IQGAP1: variants seen among roughly 807,000 people sequenced by gnomAD.
IQGAP1 encodes the protein ras GTPase-activating-like protein IQGAP1.
IQGAP1 carries 66 observed loss-of-function variants against 215.6 expected under a neutral mutation model. That is an observed-to-expected ratio of 0.31 (90% CI 0.25 to 0.38). The LOEUF (loss-of-function observed/expected upper bound fraction) is 0.38. IQGAP1 is among the 10% of genes least tolerant of loss of function. The pLI is 1.00. For missense variants in IQGAP1, 1,712 were observed against 1,997.1 expected (o/e 0.86, Z 2.72); for synonymous variants, 772 against 728.7 (o/e 1.06, Z -0.96).
chr15:90,389,080 T>G (rs1433066351), intron 1 of IQGAP1, among the ~76,000 whole-genome samples: 1 of 152,196 alleles, frequency 6.6e-6, no homozygotes, highest in Non-Finnish European at 1.5e-5. Flanking sequence ...TATTTTATAT[T>G]GTGGGAATAA....
chr15:90,459,423 A>G (rs1314048285), intron 15 of IQGAP1, among the ~76,000 whole-genome samples: 5 of 148,050 alleles, frequency 3.4e-5, no homozygotes, highest in African/African-American at 8.0e-5. Context: ...GCCACAGTGG[A>G]AAAAAACAGT....
chr15:90,417,565 A>G (rs1965070929), intron 2 of IQGAP1, among the ~76,000 whole-genome samples: 2 of 152,088 alleles, frequency 1.3e-5, no homozygotes, highest in Non-Finnish European at 2.9e-5. Flanking sequence ...CCATTGGTCT[A>G]TATCTCTGTT....
At chr15:90,406,913 C>A (rs576617631) in intron 2 of IQGAP1, among the ~76,000 whole-genome samples, 1 of 152,278 alleles carries the variant, frequency 6.6e-6, no homozygotes, top group African/African-American at 2.4e-5. Context: ...CTGAGAAGTT[C>A]ATTAACTCAT....
intron 15 of IQGAP1, among the ~76,000 whole-genome samples, chr15:90,457,488 G>A (rs1329632505): frequency 6.6e-6 from 1 of 151,336 alleles, no homozygotes; most frequent in Non-Finnish European, 1.5e-5. Context: ...GTGCAATGAC[G>A]CAATCTCAGC....
At chr15:90,494,968 G>A (rs1375083452) in intron 36 of IQGAP1, 133 bp downstream of exon 36, 4 of 569,094 alleles carry the variant, frequency 7.0e-6, no homozygotes, top group South Asian at 4.5e-5. Context: ...ATTTTTATGT[G>A]TAGAATTAGG....
At chr15:90,415,186 A>G (rs1482935421) in intron 2 of IQGAP1, among the ~76,000 whole-genome samples, 1 of 152,208 alleles carries the variant, frequency 6.6e-6, no homozygotes, top group Non-Finnish European at 1.5e-5. Context: ...AGTAAGATTG[A>G]GAAATTTTCT....
chr15:90,487,393 T>C (rs538866846), intron 32 of IQGAP1, 102 bp from the exon 33 acceptor site: 1 of 826,092 alleles, frequency 1.2e-6, no homozygotes, highest in Non-Finnish European at 2.0e-6. Context: ...TTGGGACTTC[T>C]GTGAGGTACT....
intron 10 of IQGAP1, 37 bp downstream of exon 10, chr15:90,448,773 A>G (rs1433767202): frequency 1.4e-6 from 2 of 1,433,968 alleles, no homozygotes; most frequent in Non-Finnish European, 1.8e-6. Flanking sequence ...AAGAGTTTGT[A>G]TATATCCATT....
chr15:90,487,432 C>A, intron 32 of IQGAP1, 63 bp from the exon 33 acceptor site: 2 of 1,176,102 alleles, frequency 1.7e-6, no homozygotes, highest in Non-Finnish European at 2.5e-6. Flanking sequence ...GCTGCTGCTT[C>A]GGTCCACTTG....
At chr15:90,388,445 A>G (rs745539373) in intron 1 of IQGAP1, 49 bp downstream of exon 1, 31 of 1,348,554 alleles carry the variant, frequency 2.3e-5, no homozygotes, top group Non-Finnish European at 3.0e-5. Context: ...GGCTAATTGC[A>G]GACGAGGCGC....
intron 2 of IQGAP1, among the ~76,000 whole-genome samples, chr15:90,422,881 A>C (rs1199562734): frequency 6.6e-6 from 1 of 151,856 alleles, no homozygotes. Flanking sequence ...TTTTTTGTAG[A>C]GACAGGGTCT....
chr15:90,421,972 G>C (rs1965144030), intron 2 of IQGAP1, among the ~76,000 whole-genome samples: 1 of 152,126 alleles, frequency 6.6e-6, no homozygotes, highest in African/African-American at 2.4e-5. Flanking sequence ...AAATATTTAA[G>C]TTTTATAAGA....
intron 23 of IQGAP1, 100 bp from the exon 24 acceptor site, chr15:90,476,563 C>T: frequency 1.2e-6 from 1 of 816,252 alleles, no homozygotes. Context: ...CAGTGCAGTA[C>T]ACCTTCATGT....
intron 2 of IQGAP1, among the ~76,000 whole-genome samples, chr15:90,422,423 C>T (rs2526002): frequency 0.36 from 54,391 of 151,242 alleles, 10,432 homozygotes; most frequent in East Asian, 0.67. Flanking sequence ...AGAAGAACAC[C>T]GTGCACAAAG....
intron 13 of IQGAP1, 24 bp from the exon 14 acceptor site, chr15:90,454,403 CT>C: frequency 6.2e-7 from 1 of 1,612,882 alleles, no homozygotes; most frequent in East Asian, 2.2e-5. Context: ...GCTTAATGCT[CT>C]TTTTACTTGG....
chr15:90,499,651 T>C (rs1415084311), intron 37 of IQGAP1, among the ~76,000 whole-genome samples: 1 of 152,254 alleles, frequency 6.6e-6, no homozygotes, highest in African/African-American at 2.4e-5. Context: ...GAAAATGTCA[T>C]TGTGACTTCT....
intron 35 of IQGAP1, 86 bp downstream of exon 35, chr15:90,492,797 T>C: frequency 9.7e-7 from 1 of 1,033,122 alleles, no homozygotes; most frequent in Non-Finnish European, 1.4e-6. Flanking sequence ...TGGAAATTTT[T>C]ACTTAAAATA....
At chr15:90,459,242 G>T (rs1567133359) in intron 15 of IQGAP1, among the ~76,000 whole-genome samples, 1 of 152,030 alleles carries the variant, frequency 6.6e-6, no homozygotes, top group Non-Finnish European at 1.5e-5. Context: ...ATTATTTGAG[G>T]GCCTACTACA....
intron 11 of IQGAP1, among the ~76,000 whole-genome samples, chr15:90,451,472 G>C (rs1257279975): frequency 2.6e-5 from 4 of 152,114 alleles, no homozygotes; most frequent in Non-Finnish European, 5.9e-5. Flanking sequence ...AATGAGAACT[G>C]ATCCGTTCTC....
Sources: gnomAD v4.1 joint callset for allele counts (sites outside exome capture counted in the v4.1 genomes callset) on GRCh38, gnomAD v4.1.1 for gene constraint, MANE v1.5 for transcripts, NCBI Gene and HGNC (gene_info 2026-07-23, HGNC 2026-07-21) for gene names.